Variants in CDH19 observed in about 807,000 individuals in gnomAD.
CDH19 encodes the protein cadherin-19.
In CDH19, 67 loss-of-function variants were observed where a neutral mutation model predicts 64.2. That is an observed-to-expected ratio of 1.04 (90% CI 0.86 to 1.28). CDH19 has a LOEUF of 1.28. Ranked by LOEUF, CDH19 falls within the 50% of genes most tolerant of loss-of-function variation. The pLI is 0.00. For synonymous variants in CDH19, 346 were observed against 319.3 expected, an observed-to-expected ratio of 1.08 and a Z score of -0.89; for missense variants, 1,030 against 929.0, an observed-to-expected ratio of 1.11 and a Z score of -1.41.
Position 66,529,930 on chromosome 18 carries a change from A to C in CDH19, c.1373T>G (p.Val458Gly). The change falls in exon 9 of 12, where the codon GTG (valine) becomes GGG (glycine). Residue 458 changes from valine to glycine, a missense_variant. Val to Gly is a moderately radical substitution (Grantham distance 109). Transcript: ENST00000262150. ...ATGATCATTGATGTTAAGAACTTGC[A>C]CATACAGTGGGATCGAAGAGATCTG... Reference protein sequence around the residue: ...IEQISSIPLYVQVLNINDHAP... With the variant: ...IEQISSIPLYGQVLNINDHAP... The C allele has an allele frequency of 6.4e-7, 1 of 1,570,920 alleles. No individual in the cohort carries two copies. Among genetic ancestry groups the C allele is most frequent in the Admixed American group, 1.7e-5 (1 of 58,348 alleles).
intron 1 of CDH19, among the ~76,000 whole-genome samples, chr18:66,583,033 G>T (rs535558126): frequency 1.3e-5 from 2 of 151,992 alleles, no homozygotes; most frequent in Non-Finnish European, 2.9e-5. Flanking sequence ...ACCATGATTT[G>T]CCCTTATTTG....
intron 3 of CDH19, among the ~76,000 whole-genome samples, chr18:66,567,533 A>C (rs1304837844): frequency 6.6e-6 from 1 of 151,918 alleles, no homozygotes; most frequent in Non-Finnish European, 1.5e-5. Flanking sequence ...CAATGTAGAA[A>C]TACATCTTTA....
rs565226102 is a variant in CDH19 at position 66,589,136 on chromosome 18, A to AT, written c.-113+14817dup. Among the ~76,000 whole-genome samples, 282 of 151,728 alleles carry AT rather than the reference A, an allele frequency of 1.9e-3. 1 individual carries two copies. Among genetic ancestry groups the AT allele is most frequent in the African/African-American group, 6.7e-3 (279 of 41,490 alleles). On this transcript the variant is annotated intron_variant, in intron 1 of 11. Transcript: ENST00000262150. ...ATAGTCATAAAATTATGCAAAGACT[A>AT]TTTTTTCCTAAAACATTGTTCAGAA...
Position 66,505,304 on chromosome 18 carries a change from TG to T in CDH19, c.1829-3del. 1 of 1,542,338 alleles carries T rather than the reference TG, an allele frequency of 6.5e-7. No individual in the cohort carries two copies. The highest frequency in any genetic ancestry group is 8.7e-7 in the Non-Finnish European group (1 of 1,150,942). ...AACCCAAAGTCAAAAAAATAAACCC[TG>T]ATGAAGAAAGCACATCAGAATATCA... On this transcript the variant is annotated splice_region_variant and splice_polypyrimidine_tract_variant and intron_variant, in intron 11 of 11. Coordinates refer to ENST00000262150, the MANE Select transcript of CDH19 (RefSeq NM_021153.4).
chr18:66,533,891 G>C (rs1382114156), intron 8 of CDH19, among the ~76,000 whole-genome samples: 1 of 151,876 alleles, frequency 6.6e-6, no homozygotes, highest in Admixed American at 6.6e-5. Context: ...TATTGCTATT[G>C]AAGCTTAAAT....
At chr18:66,550,549 C>T (rs1045436014) in intron 5 of CDH19, among the ~76,000 whole-genome samples, 4 of 152,018 alleles carry the variant, frequency 2.6e-5, no homozygotes, top group Admixed American at 6.6e-5. Context: ...CAACTGGGTT[C>T]GGTCTAATTA....
At chr18:66,590,379 T>C (rs193184906) in intron 1 of CDH19, among the ~76,000 whole-genome samples, 1 of 151,950 alleles carries the variant, frequency 6.6e-6, no homozygotes, top group African/African-American at 2.4e-5. Flanking sequence ...TAAATGCAGA[T>C]ACTGAGCATA....
intron 9 of CDH19, among the ~76,000 whole-genome samples, chr18:66,518,197 C>A (rs567100873): frequency 1.3e-5 from 2 of 151,730 alleles, no homozygotes; most frequent in Non-Finnish European, 2.9e-5. Context: ...ATATTTATTA[C>A]CTAGGATTTA....
At chr18:66,513,534 T>C (rs1356413197) in intron 9 of CDH19, among the ~76,000 whole-genome samples, 1 of 151,420 alleles carries the variant, frequency 6.6e-6, no homozygotes, top group Non-Finnish European at 1.5e-5. Context: ...CTTAAACACA[T>C]ACCACTAATA....
intron 5 of CDH19, among the ~76,000 whole-genome samples, chr18:66,547,661 G>GTTTTTTT (rs71169155): frequency 1.5e-4 from 12 of 80,148 alleles, no homozygotes; most frequent in South Asian, 5.6e-4. Flanking sequence ...TGTGTGTTAG[G>GTTTTTTT]TTTTTTTTTT....
chr18:66,556,311 T>C (rs1230862803), intron 3 of CDH19, among the ~76,000 whole-genome samples: 1 of 151,722 alleles, frequency 6.6e-6, no homozygotes, highest in African/African-American at 2.4e-5. Context: ...TCATCACAAA[T>C]CTCAAATATA....
At position 66,503,247 on chromosome 18, in the gene CDH19, T is replaced by C. The variant is rs1985024668; in HGVS notation, c.*1565A>G. On this transcript the variant is annotated 3_prime_UTR_variant, in exon 12 of 12. Coordinates refer to ENST00000262150, the MANE Select transcript of CDH19 (RefSeq NM_021153.4). ...ATTAAAGTGTTTTATTATCTTGTTA[T>C]CTAATGTTACTGTAAAGTTTTATGC... 1 of 151,998 alleles carries C rather than the reference T, an allele frequency of 6.6e-6. No individual in the cohort carries two copies. The highest frequency in any genetic ancestry group is 2.1e-4 in the South Asian group (1 of 4,830). 9.4% of individuals were successfully genotyped at this position (151,998 alleles called of 1,614,324 possible).
chr18:66,544,696 G>A (rs770516088), intron 6 of CDH19, 23 bp downstream of exon 6: 3 of 1,531,242 alleles, frequency 2.0e-6, no homozygotes, highest in Non-Finnish European at 2.7e-6. Flanking sequence ...ATTCTGCAAG[G>A]CAAATAATTT....
intron 9 of CDH19, among the ~76,000 whole-genome samples, chr18:66,526,952 A>G (rs1269375908): frequency 6.6e-6 from 1 of 151,834 alleles, no homozygotes; most frequent in Non-Finnish European, 1.5e-5. Context: ...ATGTCCAGTA[A>G]TATTTGAATA....
chr18:66,546,320 T>G (rs2144496879), intron 5 of CDH19, among the ~76,000 whole-genome samples: 1 of 152,248 alleles, frequency 6.6e-6, no homozygotes, highest in Non-Finnish European at 1.5e-5. Context: ...CTTTTTACAT[T>G]ATAGAAAAAT....
At chr18:66,577,833 C>T (rs1429370366) in intron 1 of CDH19, among the ~76,000 whole-genome samples, 1 of 151,808 alleles carries the variant, frequency 6.6e-6, no homozygotes, top group South Asian at 2.1e-4. Flanking sequence ...GTCATGCTTC[C>T]ACCCAAGTCT....
chr18:66,578,511 C>A (rs972307796), intron 1 of CDH19, among the ~76,000 whole-genome samples: 4 of 151,854 alleles, frequency 2.6e-5, no homozygotes, highest in Non-Finnish European at 5.9e-5. Flanking sequence ...CTGTACCTCT[C>A]ATACACTGCT....
intron 8 of CDH19, among the ~76,000 whole-genome samples, chr18:66,534,667 T>C (rs767478377): frequency 9.9e-5 from 15 of 151,864 alleles, no homozygotes; most frequent in Non-Finnish European, 2.1e-4. Flanking sequence ...TCAGAAAAAT[T>C]TACAACCCGA....
At chr18:66,536,635 T>C (rs570998966) in intron 7 of CDH19, among the ~76,000 whole-genome samples, 1 of 151,900 alleles carries the variant, frequency 6.6e-6, no homozygotes, top group South Asian at 2.1e-4. Flanking sequence ...TTCCCATTAA[T>C]TAATTAAAAC....
Sources: allele counts gnomAD v4.1 joint callset (sites outside exome capture counted in the v4.1 genomes callset), GRCh38; gene constraint gnomAD v4.1.1; transcripts MANE v1.5; gene names NCBI Gene and HGNC (gene_info 2026-07-23, HGNC 2026-07-21).